SIPA1L2: variants seen among roughly 807,000 people sequenced by gnomAD.
The protein encoded by SIPA1L2 is signal-induced proliferation-associated 1-like protein 2.
Under a neutral mutation model 163.9 loss-of-function variants are expected in SIPA1L2, and 56 were observed. The ratio of observed to expected loss-of-function variants is 0.34; its 90% CI spans 0.28 to 0.43. The LOEUF (loss-of-function observed/expected upper bound fraction) is 0.43, where lower values mean the gene tolerates loss of function less well. Among genes scored for constraint, SIPA1L2 ranks in the 20% least tolerant of loss-of-function variants. SIPA1L2 has a pLI of 1.00. For missense variants in SIPA1L2, 1,974 were observed against 2,193.5 expected (o/e 0.90, Z 2.00); for synonymous variants, 877 against 865.7 (o/e 1.01, Z -0.23).
At chr1:232,604,678 T>C (rs2102861552) in intron 1 of SIPA1L2, among the ~76,000 whole-genome samples, 1 of 152,300 alleles carries the variant, frequency 6.6e-6, no homozygotes, top group East Asian at 1.9e-4. Context: ...ATCACCAATG[T>C]TGGAGGTGAG....
chr1:232,563,855 C>G (rs12404589), intron 2 of SIPA1L2, among the ~76,000 whole-genome samples: 8,383 of 151,976 alleles, frequency 0.055, 918 homozygotes, highest in East Asian at 0.49. Flanking sequence ...ACTGGGATTA[C>G]AGGTGCCCGC....
intron 1 of SIPA1L2, among the ~76,000 whole-genome samples, chr1:232,610,820 A>G (rs1375490041): frequency 6.6e-6 from 1 of 152,166 alleles, no homozygotes; most frequent in Non-Finnish European, 1.5e-5. Context: ...GGGGAGGAAC[A>G]CCTTAGTTCA....
intron 2 of SIPA1L2, among the ~76,000 whole-genome samples, chr1:232,533,179 T>G (rs768591701): frequency 5.3e-5 from 8 of 152,188 alleles, no homozygotes; most frequent in African/African-American, 1.2e-4. Flanking sequence ...AGATTGGGTG[T>G]GGGGCCCCCA....
At chr1:232,403,677 A>G in intron 20 of SIPA1L2, 106 bp from the exon 21 acceptor site, 1 of 1,390,492 alleles carries the variant, frequency 7.2e-7, no homozygotes, top group Non-Finnish European at 9.7e-7. Context: ...CCCCCCTTCA[A>G]ACCAGTTACT....
intron 19 of SIPA1L2, 135 bp downstream of exon 19, chr1:232,415,359 C>T: frequency 8.9e-7 from 1 of 1,117,948 alleles, no homozygotes; most frequent in Non-Finnish European, 1.2e-6. Context: ...TTGTTTTCAT[C>T]ATCCAACAAG....
intron 19 of SIPA1L2, among the ~76,000 whole-genome samples, chr1:232,406,722 C>T (rs1267447929): frequency 7.3e-5 from 11 of 151,470 alleles, no homozygotes; most frequent in African/African-American, 2.7e-4. Flanking sequence ...CAAGGCTGGA[C>T]TGGTGGGGGT....
chr1:232,428,486 T>C lies in SIPA1L2; in HGVS notation c.4335A>G (p.Gln1445=), dbSNP rs2102821206. The change falls in exon 17 of 23, where the codon CAA becomes CAG. Residue 1445 remains glutamine (Q), a synonymous_variant. Transcript: ENST00000674635. The part of the protein sequence containing the change: ...TVVGDAVAET[Q]HVLSKEDFLK... The stretch of plus-strand genomic sequence containing the variant: ...GAAAATCTTCTTTAGACAGAACATG[T>C]TGAGTCTCTGCAACAGCATCTCCCA... The C allele has an allele frequency of 2.5e-6, 4 of 1,602,320 alleles. No homozygotes were observed. The highest frequency in any genetic ancestry group is 2.6e-6 in the Non-Finnish European group (3 of 1,175,004).
At chr1:232,563,770 A>G (rs1174563472) in intron 2 of SIPA1L2, among the ~76,000 whole-genome samples, 2 of 152,134 alleles carry the variant, frequency 1.3e-5, no homozygotes, top group Non-Finnish European at 2.9e-5. Flanking sequence ...GCTGGAGTGC[A>G]GTGGCATGAT....
At chr1:232,498,620 C>A (rs2103011660) in intron 3 of SIPA1L2, among the ~76,000 whole-genome samples, 1 of 152,302 alleles carries the variant, frequency 6.6e-6, no homozygotes, top group African/African-American at 2.4e-5. Context: ...TCTAGACCTA[C>A]ATTCGTTACG....
chr1:232,539,359 G>A (rs549213013), intron 2 of SIPA1L2, among the ~76,000 whole-genome samples: 4 of 152,288 alleles, frequency 2.6e-5, no homozygotes, highest in East Asian at 1.9e-4. Context: ...AAGGTCAAAC[G>A]AGAACACTCA....
chr1:232,432,057 T>A (rs909528628), intron 16 of SIPA1L2, among the ~76,000 whole-genome samples, 190 bp downstream of exon 16: 1 of 152,240 alleles, frequency 6.6e-6, no homozygotes, highest in Non-Finnish European at 1.5e-5. Context: ...TTCTTTTCCT[T>A]TTTTTATGTA....
intron 12 of SIPA1L2, among the ~76,000 whole-genome samples, chr1:232,442,580 TTAACTC>T (rs1662973082): frequency 2.0e-5 from 3 of 146,860 alleles, no homozygotes; most frequent in Admixed American, 1.3e-4. Flanking sequence ...AAAAAAAAGA[TTAACTC>T]TAGACTACAT....
intron 10 of SIPA1L2, among the ~76,000 whole-genome samples, chr1:232,450,930 C>A (rs2102888892): frequency 6.6e-6 from 1 of 152,256 alleles, no homozygotes; most frequent in South Asian, 2.1e-4. Context: ...TATTTTATCT[C>A]CAACCTTGTG....
intron 6 of SIPA1L2, among the ~76,000 whole-genome samples, chr1:232,481,086 A>C (rs1665330195): frequency 6.6e-6 from 1 of 152,228 alleles, no homozygotes; most frequent in African/African-American, 2.4e-5. Flanking sequence ...GAGAATATTC[A>C]TCCAAAAAGT....
At position 232,572,768 on chromosome 1, in the gene SIPA1L2, TATATA is replaced by T. The variant is rs1659860100; in HGVS notation, c.-270+1401_-270+1405del. Among the ~76,000 whole-genome samples, 18 of 82,412 alleles carry T rather than the reference TATATA, an allele frequency of 2.2e-4. 1 individual carries two copies. The highest frequency in any genetic ancestry group is 2.2e-3 in the South Asian group (6 of 2,760). The allele number at this position is 82,412 out of a possible 152,430, so 54.1% of individuals were successfully genotyped here. ...ATATATATATATATATATATATATA[TATATA>T]TATATATTTATTTATTTATTTTTTC... On this transcript the variant is annotated intron_variant, in intron 2 of 22. Transcript: ENST00000674635.
chr1:232,540,934 T>C (rs1002228397), intron 2 of SIPA1L2, among the ~76,000 whole-genome samples: 1 of 152,240 alleles, frequency 6.6e-6, no homozygotes, highest in South Asian at 2.1e-4. Context: ...AAGAAGATCA[T>C]GTCTTTTGCA....
chr1:232,587,477 CT>C (rs1248569147), intron 1 of SIPA1L2, among the ~76,000 whole-genome samples: 1 of 152,178 alleles, frequency 6.6e-6, no homozygotes, highest in East Asian at 1.9e-4. Flanking sequence ...CCCCAAGGCT[CT>C]TCAACTGGAT....
chr1:232,453,415 T>TG (rs1663704279), intron 10 of SIPA1L2, among the ~76,000 whole-genome samples: 1 of 152,224 alleles, frequency 6.6e-6, no homozygotes, highest in African/African-American at 2.4e-5. Flanking sequence ...TTGCATTTAC[T>TG]GGACTCTGAA....
At chr1:232,415,448 G>C in intron 19 of SIPA1L2, 46 bp downstream of exon 19, 3 of 1,552,494 alleles carry the variant, frequency 1.9e-6, no homozygotes, top group Non-Finnish European at 2.6e-6. Flanking sequence ...CTGCAGGAAA[G>C]CACTCCCAGG....
Sources: allele counts gnomAD v4.1 joint callset (sites outside exome capture counted in the v4.1 genomes callset), GRCh38; gene constraint gnomAD v4.1.1; transcripts MANE v1.5; gene names NCBI Gene and HGNC (gene_info 2026-07-23, HGNC 2026-07-21).